MACROD2: variants seen among roughly 807,000 people sequenced by gnomAD.
MACROD2 encodes ADP-ribose glycohydrolase MACROD2.
Under a neutral mutation model 70.4 loss-of-function variants are expected in MACROD2, and 36 were observed. The observed-to-expected ratio is 0.51, with a 90% CI of 0.39 to 0.68. MACROD2 has a LOEUF of 0.68. Among genes scored for constraint, MACROD2 ranks in the 30% least tolerant of loss-of-function variants. The probability of loss-of-function intolerance (pLI) is 0.00; values close to 1 mark genes in which losing one functional copy is unlikely to be tolerated. For missense variants in MACROD2, 496 were observed against 538.4 expected, an observed-to-expected ratio of 0.92 and a Z score of 0.78; for synonymous variants, 172 against 178.8, an observed-to-expected ratio of 0.96 and a Z score of 0.30.
At chr20:15,869,641 C>T (rs1355064450) in intron 9 of MACROD2, among the ~76,000 whole-genome samples, 1 of 151,964 alleles carries the variant, frequency 6.6e-6, no homozygotes, top group African/African-American at 2.4e-5. Flanking sequence ...ACTAGGTAAA[C>T]TTAATCCATA....
rs537324884 is a variant in MACROD2, at chr20:14,356,787, G to A, written c.272-136692G>A. Among the ~76,000 whole-genome samples, 4 of 152,274 alleles carry A rather than the reference G, an allele frequency of 2.6e-5. No homozygotes were observed. In the East Asian group the frequency reaches 7.7e-4, roughly 29 times the overall value. On this transcript the variant is annotated intron_variant, in intron 3 of 17. Coordinates refer to ENST00000684519, the MANE Select transcript of MACROD2 (RefSeq NM_001351661.2). Reference sequence around the variant, plus strand: ...CCCAAAGTGCTGGGATTACAGGCGTGAGCCACCGTGCCTGGCCTGGAGGAT... The same window carrying A: ...CCCAAAGTGCTGGGATTACAGGCGTAAGCCACCGTGCCTGGCCTGGAGGAT...
chr20:15,116,455 C>A (rs2075992490), intron 5 of MACROD2, among the ~76,000 whole-genome samples: 1 of 152,158 alleles, frequency 6.6e-6, no homozygotes, highest in African/African-American at 2.4e-5. Flanking sequence ...CCAGCCTGAT[C>A]AACATAGAGA....
chr20:14,420,103 T>G (rs1416110074), intron 3 of MACROD2, among the ~76,000 whole-genome samples: 1 of 151,490 alleles, frequency 6.6e-6, no homozygotes, highest in African/African-American at 2.4e-5. Context: ...CCTCTAGAAA[T>G]TTTTATTTCT....
At chr20:16,045,990 G>T (rs1420400959) in intron 17 of MACROD2, among the ~76,000 whole-genome samples, 4 of 71,936 alleles carry the variant, frequency 5.6e-5, no homozygotes, top group African/African-American at 1.3e-4. Flanking sequence ...ATATTTAGTT[G>T]TTAAAAAAAA....
At chr20:14,993,039 A>T (rs867009476) in intron 5 of MACROD2, among the ~76,000 whole-genome samples, 1 of 152,104 alleles carries the variant, frequency 6.6e-6, no homozygotes, top group African/African-American at 2.4e-5. Flanking sequence ...CTCTTTCTCT[A>T]TCTGCCTCCC....
chr20:15,625,056 C>A (rs1031784483), intron 8 of MACROD2, among the ~76,000 whole-genome samples: 5 of 152,150 alleles, frequency 3.3e-5, no homozygotes, highest in African/African-American at 1.2e-4. Context: ...TAAAATAAAA[C>A]CCCCTTTTCC....
intron 3 of MACROD2, among the ~76,000 whole-genome samples, chr20:14,301,817 A>G (rs531568142): frequency 4.6e-5 from 7 of 152,174 alleles, no homozygotes; most frequent in Non-Finnish European, 1.0e-4. Context: ...CTCTTAATGT[A>G]TACAACATAG....
At position 15,050,361 on chromosome 20, in the gene MACROD2, A is replaced by G. The variant is rs1318409259; in HGVS notation, c.419-179579A>G. Among the ~76,000 whole-genome samples, 4 of 152,166 alleles carry G rather than the reference A, an allele frequency of 2.6e-5. No individual in the cohort carries two copies. In the East Asian group the frequency reaches 7.7e-4, roughly 29 times the overall value. ...AAGAATTTTGAAAAGCACATAATTT[A>G]TCTCCATACTTTTTTCATAATTGAT... On this transcript the variant is annotated intron_variant, in intron 5 of 17. Transcript: ENST00000684519.
At chr20:14,508,525 G>C (rs2084994192) in intron 4 of MACROD2, among the ~76,000 whole-genome samples, 1 of 152,126 alleles carries the variant, frequency 6.6e-6, no homozygotes, top group Admixed American at 6.5e-5. Flanking sequence ...GGGAGGGAGA[G>C]AGAGCAGAAT....
At chr20:14,271,657 G>A (rs887315360) in intron 3 of MACROD2, among the ~76,000 whole-genome samples, 23 of 152,186 alleles carry the variant, frequency 1.5e-4, no homozygotes, top group African/African-American at 4.1e-4. Context: ...TGACTTTGAC[G>A]AGTTGAGAGA....
intron 3 of MACROD2, among the ~76,000 whole-genome samples, chr20:14,427,886 TA>T (rs11478214): frequency 0.023 from 3,563 of 152,270 alleles, 136 homozygotes; most frequent in African/African-American, 0.08. Flanking sequence ...GAATGCTGTA[TA>T]ATGTTCTCTT....
At chr20:15,666,433 C>A (rs2049898991) in intron 8 of MACROD2, among the ~76,000 whole-genome samples, 1 of 152,042 alleles carries the variant, frequency 6.6e-6, no homozygotes, top group East Asian at 1.9e-4. Context: ...TGTCAGGATA[C>A]TTTTCTAAAC....
At chr20:15,616,556 T>A (rs1371372114) in intron 8 of MACROD2, among the ~76,000 whole-genome samples, 2 of 152,170 alleles carry the variant, frequency 1.3e-5, no homozygotes, top group Non-Finnish European at 2.9e-5. Flanking sequence ...TCAGCAGGCC[T>A]GTTACTCTGG....
intron 3 of MACROD2, among the ~76,000 whole-genome samples, chr20:14,461,033 T>C (rs536913616): frequency 6.6e-6 from 1 of 151,952 alleles, no homozygotes; most frequent in East Asian, 1.9e-4. Context: ...TGGTAGAATT[T>C]GGCTGTGAAT....
chr20:15,593,792 T>G (rs2048709678), intron 8 of MACROD2, among the ~76,000 whole-genome samples: 1 of 152,252 alleles, frequency 6.6e-6, no homozygotes, highest in Non-Finnish European at 1.5e-5. Flanking sequence ...TGGATCAGCA[T>G]GCCCACATTT....
chr20:14,310,741 A>T (rs2082559812), intron 3 of MACROD2, among the ~76,000 whole-genome samples: 1 of 152,164 alleles, frequency 6.6e-6, no homozygotes, highest in African/African-American at 2.4e-5. Context: ...ATTTAGTGGG[A>T]CAGGATGTGG....
intron 3 of MACROD2, among the ~76,000 whole-genome samples, chr20:14,414,417 G>A (rs778673707): frequency 1.3e-5 from 2 of 152,006 alleles, no homozygotes; most frequent in African/African-American, 4.8e-5. Context: ...GAATACTTCT[G>A]CCTGCCTCCA....
At chr20:14,136,062 C>T (rs752527770) in intron 3 of MACROD2, among the ~76,000 whole-genome samples, 6 of 152,118 alleles carry the variant, frequency 3.9e-5, no homozygotes, top group Non-Finnish European at 7.4e-5. Flanking sequence ...CTACAGATGA[C>T]GTGATCTTCT....
intron 3 of MACROD2, among the ~76,000 whole-genome samples, chr20:14,169,156 C>G (rs1238724787): frequency 6.6e-6 from 1 of 152,228 alleles, no homozygotes. Flanking sequence ...ATCCAGTATC[C>G]CTTTATGACA....
Sources: gnomAD v4.1 joint callset for allele counts (sites outside exome capture counted in the v4.1 genomes callset) on GRCh38, gnomAD v4.1.1 for gene constraint, MANE v1.5 for transcripts, NCBI Gene and HGNC (gene_info 2026-07-23, HGNC 2026-07-21) for gene names.